The following PIP5K1B variants were observed in gnomAD, a reference collection of about 807,000 sequenced individuals.
PIP5K1B encodes phosphatidylinositol-4-phosphate 5-kinase type 1 beta.
In PIP5K1B, 42 loss-of-function variants were observed where a neutral mutation model predicts 67.0. The observed-to-expected ratio is 0.63, with a 90% CI of 0.49 to 0.81. The LOEUF (loss-of-function observed/expected upper bound fraction) is 0.81. Ranked by LOEUF, PIP5K1B falls within the 30% of genes least tolerant of loss-of-function variation. The pLI is 0.00. For missense variants in PIP5K1B, 459 were observed against 646.3 expected, an observed-to-expected ratio of 0.71 and a Z score of 3.14; for synonymous variants, 214 against 231.4, an observed-to-expected ratio of 0.92 and a Z score of 0.68.
chr9:68,720,539 T>C lies in PIP5K1B; in HGVS notation c.-243+14777T>C, dbSNP rs1290358775. 2.0e-5 allele frequency among the ~76,000 whole-genome samples: 3 copies of C among 152,322 alleles called. No homozygotes were observed. The East Asian group carries it at 5.8e-4, about 29-fold the overall frequency. On this transcript the variant is annotated intron_variant, in intron 1 of 15. Coordinates refer to ENST00000265382, the MANE Select transcript of PIP5K1B (RefSeq NM_003558.4). ...TAACCCACCTTTGAAATTTTAGCAC[T>C]CTTTTTACTTTGGTCATCTCTGTCT...
At chr9:68,943,272 G>T (rs760672503) in intron 14 of PIP5K1B, among the ~76,000 whole-genome samples, 1 of 152,146 alleles carries the variant, frequency 6.6e-6, no homozygotes, top group African/African-American at 2.4e-5. Context: ...TCACCTGCCT[G>T]CTCCTGTAGG....
At chr9:68,892,667 A>G (rs1824856835) in intron 7 of PIP5K1B, among the ~76,000 whole-genome samples, 1 of 152,226 alleles carries the variant, frequency 6.6e-6, no homozygotes, top group South Asian at 2.1e-4. Flanking sequence ...GGAAGAAAAT[A>G]AAAGTTTATG....
chr9:68,903,806 C>G (rs1825480166), intron 8 of PIP5K1B, among the ~76,000 whole-genome samples: 2 of 152,174 alleles, frequency 1.3e-5, no homozygotes, highest in Admixed American at 1.3e-4. Flanking sequence ...AGAGAGGGTT[C>G]CATCTTGGAT....
intron 2 of PIP5K1B, among the ~76,000 whole-genome samples, chr9:68,745,345 A>G (rs886434059): frequency 2.0e-5 from 3 of 152,216 alleles, no homozygotes; most frequent in Non-Finnish European, 2.9e-5. Flanking sequence ...ACCTACTTGT[A>G]GCCACACCGT....
intron 14 of PIP5K1B, among the ~76,000 whole-genome samples, chr9:68,944,367 A>G (rs965178810): frequency 5.3e-5 from 8 of 152,246 alleles, no homozygotes; most frequent in African/African-American, 1.9e-4. Flanking sequence ...GGTTACACTT[A>G]TGAATATTTT....
chr9:68,956,902 C>T (rs573174842), intron 14 of PIP5K1B, among the ~76,000 whole-genome samples: 96 of 152,278 alleles, frequency 6.3e-4, no homozygotes, highest in South Asian at 2.1e-3. Flanking sequence ...ACCTCAGGTG[C>T]CAGCAGTCTC....
intron 14 of PIP5K1B, among the ~76,000 whole-genome samples, chr9:68,942,123 A>C (rs1039034504): frequency 6.6e-6 from 1 of 152,268 alleles, no homozygotes; most frequent in Non-Finnish European, 1.5e-5. Context: ...AATGACTTAA[A>C]TTAATGTGTA....
In PIP5K1B at chr9:68,773,135, C is replaced by T. The variant is rs142537925; in HGVS notation, c.-86+30478C>T. On this transcript the variant is annotated intron_variant, in intron 2 of 15. Transcript: ENST00000265382. Reference sequence around the variant, plus strand: ...TGAGCTCTTAAGATTCCCAAACACCCACCCAGCTGAAAGATCCAAGTATAT... The same window carrying T: ...TGAGCTCTTAAGATTCCCAAACACCTACCCAGCTGAAAGATCCAAGTATAT... 4.5e-3 allele frequency among the ~76,000 whole-genome samples: 682 copies of T among 152,312 alleles called. 3 individuals carry two copies. The highest frequency in any genetic ancestry group is 7.3e-3 in the Non-Finnish European group (494 of 68,028).
chr9:68,770,366 C>T (rs1378603869), intron 2 of PIP5K1B, among the ~76,000 whole-genome samples: 1 of 152,236 alleles, frequency 6.6e-6, no homozygotes, highest in Non-Finnish European at 1.5e-5. Context: ...TTCTCTTCCT[C>T]TCTTTTCCTG....
chr9:68,916,574 C>T (rs1030152347), intron 8 of PIP5K1B, among the ~76,000 whole-genome samples: 5 of 151,998 alleles, frequency 3.3e-5, no homozygotes, highest in Admixed American at 6.6e-5. Context: ...ACGGCACCTT[C>T]GAAAGACAGA....
At chr9:68,956,978 A>T (rs914393612) in intron 14 of PIP5K1B, among the ~76,000 whole-genome samples, 10 of 152,212 alleles carry the variant, frequency 6.6e-5, no homozygotes, top group African/African-American at 2.4e-4. Context: ...CACAAAAAAG[A>T]TGAAGAAGCA....
intron 2 of PIP5K1B, among the ~76,000 whole-genome samples, chr9:68,815,390 TA>T (rs1487397939): frequency 1.3e-5 from 2 of 151,720 alleles, no homozygotes; most frequent in African/African-American, 4.8e-5. Context: ...TCAAAACAAT[TA>T]AAAGGAGAGA....
At chr9:68,746,803 A>G (rs1829333670) in intron 2 of PIP5K1B, among the ~76,000 whole-genome samples, 1 of 152,162 alleles carries the variant, frequency 6.6e-6, no homozygotes, top group Non-Finnish European at 1.5e-5. Flanking sequence ...GAGTGGAAAG[A>G]CTAGTTCCCA....
intron 2 of PIP5K1B, among the ~76,000 whole-genome samples, chr9:68,751,018 T>C (rs1364498640): frequency 1.3e-5 from 2 of 152,182 alleles, no homozygotes; most frequent in East Asian, 1.9e-4. Context: ...CCATGTGGCT[T>C]TGGTTTATCC....
At position 68,905,103 on chromosome 9, in the gene PIP5K1B, T is replaced by C. The variant is rs1291997589; in HGVS notation, c.771+10465T>C. On this transcript the variant is annotated intron_variant, in intron 8 of 15. Coordinates refer to ENST00000265382, the MANE Select transcript of PIP5K1B (RefSeq NM_003558.4). ...TTTGTAAAAAGAACCTACTGGTCTC[T>C]GATTAGATGACCCTAAGTGTAGGAG... Among the ~76,000 whole-genome samples the C allele has an allele frequency of 2.0e-5, 3 of 152,044 alleles. No individual in the cohort carries two copies. The East Asian group carries it at 5.8e-4, about 29-fold the overall frequency.
chr9:69,008,587 A>G lies in PIP5K1B; in HGVS notation c.*138A>G. ...AGAGAAATCATCAACCTGACTTAAGAGTTTTCAAGATGTCAACTTCAGGCT... is the reference window on the plus strand; with the variant it reads ...AGAGAAATCATCAACCTGACTTAAGGGTTTTCAAGATGTCAACTTCAGGCT... On this transcript the variant is annotated 3_prime_UTR_variant, in exon 16 of 16. Transcript: ENST00000265382. 2 of 813,192 alleles carry G rather than the reference A, an allele frequency of 2.5e-6. No individual in the cohort carries two copies. Among genetic ancestry groups the G allele is most frequent in the Middle Eastern group, 2.2e-4 (1 of 4,470 alleles). The allele number at this position is 813,192 out of a possible 1,614,324, so 50.4% of individuals were successfully genotyped here. A position where few individuals can be genotyped will look rare whatever the true frequency, so the allele number is the denominator to read the frequency against.
intron 1 of PIP5K1B, chr9:68,707,981 T>A (rs192132164): frequency 1.3e-5 from 2 of 152,314 alleles, no homozygotes; most frequent in Non-Finnish European, 2.9e-5. Context: ...AATGTTATCA[T>A]TTTCTCTAGA....
intron 4 of PIP5K1B, among the ~76,000 whole-genome samples, chr9:68,838,697 C>T (rs1024039818): frequency 2.0e-5 from 3 of 152,222 alleles, no homozygotes; most frequent in Non-Finnish European, 2.9e-5. Flanking sequence ...ACCTCAGCAT[C>T]GCACATTATA....
At chr9:68,849,233 G>A (rs914770605) in intron 4 of PIP5K1B, among the ~76,000 whole-genome samples, 1 of 152,118 alleles carries the variant, frequency 6.6e-6, no homozygotes. Flanking sequence ...CTATCAATAA[G>A]AGAGTAGTTA....
Sources: gnomAD v4.1 joint callset for allele counts (sites outside exome capture counted in the v4.1 genomes callset) on GRCh38, gnomAD v4.1.1 for gene constraint, MANE v1.5 for transcripts, NCBI Gene and HGNC (gene_info 2026-07-23, HGNC 2026-07-21) for gene names.